The following GRM7 variants were observed in gnomAD, a reference collection of about 807,000 sequenced individuals.
The protein encoded by GRM7 is metabotropic glutamate receptor 7.
A neutral mutation model predicts 84.5 loss-of-function variants in GRM7; 35 were observed. That is an observed-to-expected ratio of 0.41 (90% CI 0.32 to 0.55). GRM7 has a LOEUF of 0.55. GRM7 is among the 20% of genes least tolerant of loss of function. The pLI, the probability that GRM7 is intolerant of heterozygous loss-of-function variation, is 0.19. For synonymous variants in GRM7, 487 were observed against 455.1 expected, an observed-to-expected ratio of 1.07 and a Z score of -0.89; for missense variants, 1,003 against 1,194.6, an observed-to-expected ratio of 0.84 and a Z score of 2.36.
chr3:7,499,087 G>A (rs1699798517), intron 7 of GRM7, among the ~76,000 whole-genome samples: 2 of 152,298 alleles, frequency 1.3e-5, no homozygotes, highest in South Asian at 2.1e-4. Context: ...GGCTGGGACT[G>A]GAGATCTCAA....
intron 7 of GRM7, among the ~76,000 whole-genome samples, chr3:7,538,258 C>T (rs182027971): frequency 3.1e-4 from 47 of 152,176 alleles, no homozygotes; most frequent in African/African-American, 4.3e-4. Flanking sequence ...TACAAGAGTG[C>T]GCAACCACGC....
intron 1 of GRM7, among the ~76,000 whole-genome samples, chr3:7,129,887 G>T (rs1468990995): frequency 6.6e-6 from 1 of 152,086 alleles, no homozygotes; most frequent in Non-Finnish European, 1.5e-5. Context: ...AATTGGTATT[G>T]CTTAATCATC....
At chr3:7,448,442 A>T (rs13096022) in intron 5 of GRM7, among the ~76,000 whole-genome samples, 2 of 151,846 alleles carry the variant, frequency 1.3e-5, no homozygotes, top group East Asian at 1.9e-4. Context: ...ACAAATCAGG[A>T]TTAACTCAGT....
At chr3:7,127,501 C>T (rs1027630451) in intron 1 of GRM7, among the ~76,000 whole-genome samples, 3 of 152,164 alleles carry the variant, frequency 2.0e-5, no homozygotes, top group African/African-American at 7.2e-5. Flanking sequence ...AAATTCAAAG[C>T]AGCTGCTTTC....
At chr3:7,636,343 G>C in intron 8 of GRM7, 1 of 456,112 alleles carries the variant, frequency 2.2e-6, no homozygotes, top group South Asian at 1.6e-5. Context: ...AATGAAGACG[G>C]GGCCTCTGTC....
At chr3:7,035,175 G>T (rs60378826) in intron 1 of GRM7, among the ~76,000 whole-genome samples, 17 of 152,224 alleles carry the variant, frequency 1.1e-4, no homozygotes, top group African/African-American at 4.1e-4. Flanking sequence ...CAAATAATTT[G>T]ACAAAATATT....
intron 2 of GRM7, among the ~76,000 whole-genome samples, chr3:7,251,846 A>T (rs7622241): frequency 0.031 from 4,780 of 152,314 alleles, 241 homozygotes; most frequent in African/African-American, 0.11. Context: ...AAAAATCATA[A>T]GTATAACCTG....
At chr3:6,908,788 A>C (rs1696669059) in intron 1 of GRM7, among the ~76,000 whole-genome samples, 1 of 152,170 alleles carries the variant, frequency 6.6e-6, no homozygotes, top group African/African-American at 2.4e-5. Flanking sequence ...GATGTCTGTT[A>C]AGATCACGTT....
At chr3:7,482,919 G>A (rs1482399936) in intron 7 of GRM7, among the ~76,000 whole-genome samples, 3 of 152,016 alleles carry the variant, frequency 2.0e-5, no homozygotes, top group Non-Finnish European at 2.9e-5. Flanking sequence ...CATTCCTTGG[G>A]GAGAGAAAAG....
intron 1 of GRM7, among the ~76,000 whole-genome samples, chr3:7,102,679 C>CA (rs935148211): frequency 4.5e-4 from 68 of 151,766 alleles, no homozygotes; most frequent in African/African-American, 1.6e-3. Context: ...ACTTCAATTA[C>CA]ACACATACTC....
At chr3:7,302,595 T>G (rs952811001) in intron 3 of GRM7, among the ~76,000 whole-genome samples, 1 of 152,164 alleles carries the variant, frequency 6.6e-6, no homozygotes, top group Admixed American at 6.5e-5. Context: ...TTCTATGCTT[T>G]TAACTATGCA....
At chr3:7,577,779 C>A (rs1222549177) in intron 7 of GRM7, among the ~76,000 whole-genome samples, 1 of 152,132 alleles carries the variant, frequency 6.6e-6, no homozygotes, top group Non-Finnish European at 1.5e-5. Context: ...ACAATTAAAG[C>A]CTTCATTAGT....
At chr3:6,945,054 A>AT (rs558599548) in intron 1 of GRM7, among the ~76,000 whole-genome samples, 77 of 150,028 alleles carry the variant, frequency 5.1e-4, no homozygotes, top group Non-Finnish European at 9.1e-4. Context: ...TCTGACTAGA[A>AT]TTTTTTTTTT....
chr3:6,900,105 G>T (rs531963999), intron 1 of GRM7, among the ~76,000 whole-genome samples: 1 of 152,200 alleles, frequency 6.6e-6, no homozygotes, highest in Non-Finnish European at 1.5e-5. Flanking sequence ...TAATCTGGAA[G>T]TCTACTAAAA....
At chr3:7,549,287 GT>G (rs1488348196) in intron 7 of GRM7, among the ~76,000 whole-genome samples, 1 of 152,026 alleles carries the variant, frequency 6.6e-6, no homozygotes, top group Non-Finnish European at 1.5e-5. Flanking sequence ...TTTCATCTGA[GT>G]TTATTTGTAT....
In GRM7 at chr3:7,649,215, A is replaced by G. The variant is rs539130991; in HGVS notation, c.2452-30834A>G. ...CTCCCGAGTAGCTGGGACTACAGGC[A>G]CCCACTACCACGCCCGGCTAATTTT... is the stretch of plus-strand genomic sequence containing the variant. On this transcript the variant is annotated intron_variant, in intron 8 of 9. Transcript: ENST00000357716. Among the ~76,000 whole-genome samples the G allele has an allele frequency of 1.4e-3, 208 of 151,876 alleles. 2 individuals carry two copies. The South Asian group carries it at 0.028, about 20-fold the overall frequency.
chr3:6,913,391 A>G (rs1183158202), intron 1 of GRM7, among the ~76,000 whole-genome samples: 2 of 152,162 alleles, frequency 1.3e-5, no homozygotes, highest in Non-Finnish European at 2.9e-5. Context: ...CTAAAACTAA[A>G]TGGGTAGGTT....
chr3:7,606,473 G>GA (rs1281360060), intron 8 of GRM7, among the ~76,000 whole-genome samples: 1 of 152,122 alleles, frequency 6.6e-6, no homozygotes, highest in East Asian at 1.9e-4. Context: ...AATAAGCATA[G>GA]AAAGTCATAC....
intron 8 of GRM7, among the ~76,000 whole-genome samples, chr3:7,653,865 T>C (rs1699065686): frequency 6.6e-6 from 1 of 152,122 alleles, no homozygotes; most frequent in African/African-American, 2.4e-5. Context: ...ATTTTACAGA[T>C]GTAGAAAGAA....
Sources: gnomAD v4.1 joint callset for allele counts (sites outside exome capture counted in the v4.1 genomes callset) on GRCh38, gnomAD v4.1.1 for gene constraint, MANE v1.5 for transcripts, NCBI Gene and HGNC (gene_info 2026-07-23, HGNC 2026-07-21) for gene names.